SH2B3: variants seen among roughly 807,000 people sequenced by gnomAD.
SH2B3 encodes the protein SH2B adaptor protein 3, also known as SH2B adapter protein 3.
In SH2B3, 43 loss-of-function variants were observed where a neutral mutation model predicts 51.9. The ratio of observed to expected loss-of-function variants is 0.83; its 90% CI spans 0.65 to 1.07. The LOEUF is 1.07. Among genes scored for constraint, SH2B3 ranks in the 50% least tolerant of loss-of-function variants. The probability of loss-of-function intolerance (pLI) is 0.00; values close to 1 mark genes in which losing one functional copy is unlikely to be tolerated. For synonymous variants in SH2B3, 396 were observed against 376.0 expected (o/e 1.05, Z -0.62); for missense variants, 952 against 834.3 (o/e 1.14, Z -1.74).
intron 2 of SH2B3, among the ~76,000 whole-genome samples, chr12:111,437,798 T>G (rs917274856): frequency 6.6e-6 from 1 of 151,982 alleles, no homozygotes; most frequent in African/African-American, 2.4e-5. Context: ...ACCCCATACC[T>G]CCCTCTGCTT....
rs1016702641 is a variant in SH2B3 at position 111,435,293 on chromosome 12, A to G, written c.733-11460A>G. Among the ~76,000 whole-genome samples, 7 of 151,710 alleles carry G rather than the reference A, an allele frequency of 4.6e-5. No homozygotes were observed. Among genetic ancestry groups the G allele is most frequent in the Non-Finnish European group, 1.0e-4 (7 of 67,970 alleles). ...GCCCCACTGGTGTGTGCTACAGTAG[A>G]CCCAGCCCTGGGGCCCCATGATACC... On this transcript the variant is annotated intron_variant, in intron 2 of 7. Transcript: ENST00000341259. The surrounding 1 kb of genome is among the most constrained non-coding windows in gnomAD (Gnocchi z 4.8).
chr12:111,425,421 G>A (rs1379082012), intron 2 of SH2B3, among the ~76,000 whole-genome samples: 1 of 152,164 alleles, frequency 6.6e-6, no homozygotes, highest in Non-Finnish European at 1.5e-5. Flanking sequence ...CCTCTTGGCA[G>A]GAGGTGCCGG....
rs142709794 is a variant in SH2B3 at position 111,446,743 on chromosome 12, G to C, written c.733-10G>C. ...GAACAAGCCTTGAGTACCCCAACTTGGTCTCGTAGAGTTCAAGGCCCAAGC... is the reference window on the plus strand; with the variant it reads ...GAACAAGCCTTGAGTACCCCAACTTCGTCTCGTAGAGTTCAAGGCCCAAGC... On this transcript the variant is annotated splice_polypyrimidine_tract_variant and intron_variant, in intron 2 of 7. Transcript: ENST00000341259. 891 of 1,495,442 alleles carry C rather than the reference G, an allele frequency of 6.0e-4. 5 individuals are homozygous for C. In the African/African-American group the frequency reaches 9.3e-3, roughly 16 times the overall value. The allele number at this position is 1,495,442 out of a possible 1,614,324, so 92.6% of individuals were successfully genotyped here. A position where few individuals can be genotyped will look rare whatever the true frequency, so the allele number is the denominator to read the frequency against.
At position 111,406,936 on chromosome 12, in the gene SH2B3, C is replaced by A. The variant is rs1243085191; in HGVS notation, c.-28+659C>A. ...CTCTTGCCTGGGGTTCCCTGGGAAT[C>A]CCCCGACCAAAAAACGTCTGGAGTG... On this transcript the variant is annotated intron_variant, in intron 1 of 7. Coordinates refer to ENST00000341259, the MANE Select transcript of SH2B3 (RefSeq NM_005475.3). This position sits in a 1 kb window ranked among gnomAD's most constrained non-coding sequence, Gnocchi z 5.7. Among the ~76,000 whole-genome samples, 1 of 152,128 alleles carries A rather than the reference C, an allele frequency of 6.6e-6. No individual in the cohort carries two copies. The highest frequency in any genetic ancestry group is 2.4e-5 in the African/African-American group (1 of 41,428).
chr12:111,431,146 C>G (rs988047527), intron 2 of SH2B3, among the ~76,000 whole-genome samples: 1 of 152,194 alleles, frequency 6.6e-6, no homozygotes, highest in African/African-American at 2.4e-5. Flanking sequence ...GGCCCCCGCC[C>G]ACTGTTTGGC....
At chr12:111,442,319 G>A (rs1306336905) in intron 2 of SH2B3, among the ~76,000 whole-genome samples, 1 of 152,088 alleles carries the variant, frequency 6.6e-6, no homozygotes, top group Non-Finnish European at 1.5e-5. Flanking sequence ...TCCTGCCCAA[G>A]GTTTCAAAGG....
At chr12:111,437,465 C>A (rs2135585788) in intron 2 of SH2B3, among the ~76,000 whole-genome samples, 1 of 152,306 alleles carries the variant, frequency 6.6e-6, no homozygotes, top group Middle Eastern at 3.4e-3. Context: ...GGTCTAGGAG[C>A]CGCTGCCCTG....
At chr12:111,434,934 G>A in intron 2 of SH2B3, 2 of 1,535,558 alleles carry the variant, frequency 1.3e-6, no homozygotes, top group Non-Finnish European at 1.7e-6. Flanking sequence ...GTGGCTGGAG[G>A]AGGACCTGGC....
chr12:111,434,874 G>C, intron 2 of SH2B3: 4 of 1,535,484 alleles, frequency 2.6e-6, no homozygotes, highest in Non-Finnish European at 3.5e-6. Flanking sequence ...AGTAATGAGA[G>C]TCCGTGCCGG....
In SH2B3 at chr12:111,438,349, G is replaced by A. The variant is rs547418684; in HGVS notation, c.733-8404G>A. ...TGGGGGCTCCTGATGGTGCCCTTGC[G>A]GGGAGGTCAGGGGGCTGACACACCT... On this transcript the variant is annotated intron_variant, in intron 2 of 7. Coordinates refer to ENST00000341259, the MANE Select transcript of SH2B3 (RefSeq NM_005475.3). The surrounding 1 kb of genome is among the most constrained non-coding windows in gnomAD (Gnocchi z 4.2). Among the ~76,000 whole-genome samples, 30 of 152,202 alleles carry A rather than the reference G, an allele frequency of 2.0e-4. No individual in the cohort carries two copies. Among genetic ancestry groups the A allele is most frequent in the Non-Finnish European group, 3.5e-4 (24 of 67,980 alleles).
In SH2B3 at chr12:111,418,582, T is replaced by TCCG; in HGVS notation, c.445_447dup (p.Arg149dup). The stretch of plus-strand genomic sequence containing the variant: ...TTTCGCCGCAGCCTCCGCCACATCT[T>TCCG]CCGCCGCCGCTCGGCCGGGGAGCTG... On this transcript the variant is annotated inframe_insertion, in exon 2 of 8. Coordinates refer to ENST00000341259, the MANE Select transcript of SH2B3 (RefSeq NM_005475.3). This position sits in a 1 kb window ranked among gnomAD's most constrained non-coding sequence, Gnocchi z 6.7. 5 of 1,484,590 alleles carry TCCG rather than the reference T, an allele frequency of 3.4e-6. No individual in the cohort carries two copies. Among genetic ancestry groups the TCCG allele is most frequent in the Admixed American group, 2.2e-5 (1 of 46,274 alleles). 92.0% of individuals were successfully genotyped at this position (1,484,590 alleles called of 1,614,324 possible).
rs1286110537 is a variant in SH2B3, at chr12:111,449,253, A to C, written c.*951A>C. 1 of 152,440 alleles carries C rather than the reference A, an allele frequency of 6.6e-6. No individual in the cohort carries two copies. Among genetic ancestry groups the C allele is most frequent in the Non-Finnish European group, 1.5e-5 (1 of 68,028 alleles). 9.4% of individuals were successfully genotyped at this position (152,440 alleles called of 1,614,324 possible). ...ATTAACTGGGGCTAGGGGAAGAGCA[A>C]GCAAAAAGGGAAGAAGGACTCCTAG... On this transcript the variant is annotated 3_prime_UTR_variant, in exon 8 of 8. Transcript: ENST00000341259.
chr12:111,437,492 G>T (rs1335533544), intron 2 of SH2B3, among the ~76,000 whole-genome samples: 1 of 152,184 alleles, frequency 6.6e-6, no homozygotes, highest in Non-Finnish European at 1.5e-5. Flanking sequence ...GGGCCCACTG[G>T]GCATTCAGGG....
Position 111,417,584 on chromosome 12 carries a change from A to C in SH2B3, c.-27-535A>C, listed in dbSNP as rs552921638. Among the ~76,000 whole-genome samples, 419 of 151,888 alleles carry C rather than the reference A, an allele frequency of 2.8e-3. 4 individuals are homozygous for C. The highest frequency in any genetic ancestry group is 9.6e-3 in the African/African-American group (396 of 41,372). On this transcript the variant is annotated intron_variant, in intron 1 of 7. Transcript: ENST00000341259. ...GACTTCCTCAGGCTCCCAAGTAGTT[A>C]GGACTACAGGTGCACGTGCTGCAAT...
chr12:111,418,660 C>A lies in SH2B3; in HGVS notation c.515C>A (p.Thr172Asn), dbSNP rs763418967. 5.4e-6 allele frequency: 8 copies of A among 1,487,080 alleles called. No individual in the cohort carries two copies. In the East Asian group the frequency reaches 1.7e-4, roughly 32 times the overall value. The allele number at this position is 1,487,080 out of a possible 1,614,324, so 92.1% of individuals were successfully genotyped here. Residue 172 changes from threonine to asparagine, a missense_variant, in exon 2 of 8, where the codon ACC becomes AAC. Coordinates refer to ENST00000341259, the MANE Select transcript of SH2B3 (RefSeq NM_005475.3). The surrounding 1 kb of genome is among the most constrained non-coding windows in gnomAD (Gnocchi z 6.7). ...GGGACCCCCGGAGAGGCTGCTGAGA[C>A]CCCCGCCCGGCCTGGCCTGGCCAAG... ...APGTPGEAAE[T>N]PARPGLAKKF...
At chr12:111,445,022 G>A (rs1873793286) in intron 2 of SH2B3, among the ~76,000 whole-genome samples, 1 of 152,174 alleles carries the variant, frequency 6.6e-6, no homozygotes, top group Non-Finnish European at 1.5e-5. Context: ...TGGGTGAGGA[G>A]GGGAATCCTC....
At chr12:111,437,523 A>T (rs1363979886) in intron 2 of SH2B3, among the ~76,000 whole-genome samples, 1 of 152,192 alleles carries the variant, frequency 6.6e-6, no homozygotes, top group Non-Finnish European at 1.5e-5. Flanking sequence ...GCTCACTTGC[A>T]GAAGTCCAAG....
Position 111,418,375 on chromosome 12 carries a change from G to T in SH2B3, c.230G>T (p.Arg77Leu). 3 of 1,516,034 alleles carry T rather than the reference G, an allele frequency of 2.0e-6. No homozygotes were observed. The South Asian group carries it at 3.6e-5, about 18-fold the overall frequency. 93.9% of individuals were successfully genotyped at this position (1,516,034 alleles called of 1,614,324 possible). A position where few individuals can be genotyped will look rare whatever the true frequency, so the allele number is the denominator to read the frequency against. ...GACCTCTTCCAGCGCTACTTCTGCC[G>T]CGAGGTGCGCGACGGACGGGCGCCG... ...FTDLFQRYFC[R>L]EVRDGRAPGR... The change falls in exon 2 of 8, where the codon CGC (arginine) becomes CTC (leucine). Residue 77 changes from arginine to leucine, a missense_variant. Transcript: ENST00000341259. The surrounding 1 kb of genome is among the most constrained non-coding windows in gnomAD (Gnocchi z 6.7).
At position 111,448,054 on chromosome 12, in the gene SH2B3, TCA is replaced by T; in HGVS notation, c.1481_1482del (p.Ser494Ter). 6.2e-7 allele frequency: 1 copy of T among 1,613,944 alleles called. No homozygotes were observed. The highest frequency in any genetic ancestry group is 8.5e-7 in the Non-Finnish European group (1 of 1,179,878). On this transcript the variant is annotated frameshift_variant, in exon 8 of 8. Transcript: ENST00000341259. LOFTEE classifies it high-confidence loss of function. The stretch of plus-strand genomic sequence containing the variant: ...TTCAGAGTCCCTTCCTCACTGGGGT[TCA>T]GAGTTGGGCCTTCCCCACCTTAGTT... ...WDSESLPHWG[S>X]ELGLPHLSSS...
Sources: allele counts gnomAD v4.1 joint callset (sites outside exome capture counted in the v4.1 genomes callset), GRCh38; gene constraint gnomAD v4.1.1; non-coding constraint Gnocchi (gnomAD v3.1); transcripts MANE v1.5; gene names NCBI Gene and HGNC (gene_info 2026-07-23, HGNC 2026-07-21).